PAK5: variants seen among roughly 807,000 people sequenced by gnomAD.
The protein encoded by PAK5 is p21 (RAC1) activated kinase 5.
Under a neutral mutation model 65.9 loss-of-function variants are expected in PAK5, and 16 were observed. That is an observed-to-expected ratio of 0.24 (90% CI 0.16 to 0.37). The LOEUF (loss-of-function observed/expected upper bound fraction) is 0.37, where lower values mean the gene tolerates loss of function less well. Ranked by LOEUF, PAK5 falls within the 10% of genes least tolerant of loss-of-function variation. The pLI, the probability that PAK5 is intolerant of heterozygous loss-of-function variation, is 1.00. For missense variants in PAK5, 785 were observed against 903.9 expected (o/e 0.87, Z 1.69); for synonymous variants, 371 against 354.9 (o/e 1.05, Z -0.51).
At chr20:9,758,053 C>T (rs1435946810) in intron 1 of PAK5, among the ~76,000 whole-genome samples, 1 of 152,166 alleles carries the variant, frequency 6.6e-6, no homozygotes, top group East Asian at 1.9e-4. Context: ...TTATGCTGCC[C>T]TTGGGAGCTA....
chr20:9,751,157 T>G (rs112093299), intron 1 of PAK5, among the ~76,000 whole-genome samples: 2,610 of 152,278 alleles, frequency 0.017, 73 homozygotes, highest in African/African-American at 0.057. Context: ...GTATACAGAA[T>G]CTATGAGGTA....
At chr20:9,809,642 C>T (rs2049275212) in intron 1 of PAK5, among the ~76,000 whole-genome samples, 1 of 152,168 alleles carries the variant, frequency 6.6e-6, no homozygotes, top group Non-Finnish European at 1.5e-5. Flanking sequence ...TGTTTAATGG[C>T]TGTTTGTCAA....
intron 1 of PAK5, among the ~76,000 whole-genome samples, chr20:9,769,236 A>C (rs2048806719): frequency 6.6e-6 from 1 of 152,234 alleles, no homozygotes. Flanking sequence ...ACAAATTGAC[A>C]TTGAAGCAGG....
intron 1 of PAK5, among the ~76,000 whole-genome samples, chr20:9,762,667 T>C (rs1211117049): frequency 2.0e-5 from 3 of 152,126 alleles, no homozygotes. Context: ...ACACTATTTA[T>C]GGGAAGGTAA....
At chr20:9,770,946 G>GA (rs2048826033) in intron 1 of PAK5, among the ~76,000 whole-genome samples, 1 of 152,094 alleles carries the variant, frequency 6.6e-6, no homozygotes, top group African/African-American at 2.4e-5. Context: ...CTGTCTTAAG[G>GA]AAAAAACTGT....
intron 1 of PAK5, among the ~76,000 whole-genome samples, chr20:9,772,867 G>A (rs2048849449): frequency 1.3e-5 from 2 of 152,170 alleles, no homozygotes; most frequent in South Asian, 4.1e-4. Context: ...TAACACTCCA[G>A]GAGTGACCCT....
At chr20:9,648,488 A>G (rs6056776) in intron 2 of PAK5, among the ~76,000 whole-genome samples, 1 of 148,806 alleles carries the variant, frequency 6.7e-6, no homozygotes, top group Non-Finnish European at 1.5e-5. Flanking sequence ...TTTTTTTTGC[A>G]TAAACAGTTT....
Position 9,694,314 on chromosome 20 carries a change from GTGTGTT to G in PAK5, c.-12+16966_-12+16971del, listed in dbSNP as rs1486250308. Among the ~76,000 whole-genome samples, 6 of 31,740 alleles carry G rather than the reference GTGTGTT, an allele frequency of 1.9e-4. No homozygotes were observed. In the South Asian group the frequency reaches 9.4e-3, roughly 50 times the overall value. The allele number at this position is 31,740 out of a possible 152,430, so 20.8% of individuals were successfully genotyped here. A position where few individuals can be genotyped will look rare whatever the true frequency, so the allele number is the denominator to read the frequency against. On this transcript the variant is annotated intron_variant, in intron 2 of 9. Transcript: ENST00000353224. ...TGGCCGTGTGTGTGTTTGTGTGTGT[GTGTGTT>G]TGTGTGTGTGTGTGTGTGTGTGTGT...
intron 7 of PAK5, among the ~76,000 whole-genome samples, chr20:9,552,576 T>C (rs759096321): frequency 6.6e-6 from 1 of 152,244 alleles, no homozygotes; most frequent in Non-Finnish European, 1.5e-5. Context: ...ATATTACTTA[T>C]GCCATAGATA....
intron 1 of PAK5, among the ~76,000 whole-genome samples, chr20:9,767,422 C>G (rs2048781311): frequency 6.6e-6 from 1 of 152,204 alleles, no homozygotes; most frequent in Admixed American, 6.5e-5. Flanking sequence ...CCTCACCCAG[C>G]CACATGGGTT....
intron 1 of PAK5, among the ~76,000 whole-genome samples, chr20:9,810,145 G>A (rs1378539881): frequency 6.6e-6 from 1 of 152,132 alleles, no homozygotes; most frequent in East Asian, 1.9e-4. Flanking sequence ...CTCCTGGAGG[G>A]CTTTCAGCAC....
At chr20:9,572,993 A>G (rs1185819621) in intron 4 of PAK5, among the ~76,000 whole-genome samples, 2 of 152,206 alleles carry the variant, frequency 1.3e-5, no homozygotes, top group Non-Finnish European at 2.9e-5. Flanking sequence ...TTACCAGGTC[A>G]TTAATTGTCA....
At chr20:9,661,853 G>T (rs560354280) in intron 2 of PAK5, among the ~76,000 whole-genome samples, 2 of 151,928 alleles carry the variant, frequency 1.3e-5, no homozygotes, top group South Asian at 2.1e-4. Flanking sequence ...ATCTTTAGGG[G>T]CCAAAAGCCT....
At chr20:9,688,220 A>C (rs1159262649) in intron 2 of PAK5, among the ~76,000 whole-genome samples, 1 of 152,064 alleles carries the variant, frequency 6.6e-6, no homozygotes, top group Non-Finnish European at 1.5e-5. Flanking sequence ...TCCTATTTCC[A>C]AGCTAGACTT....
At chr20:9,607,386 A>T (rs183532196) in intron 3 of PAK5, among the ~76,000 whole-genome samples, 4 of 152,352 alleles carry the variant, frequency 2.6e-5, no homozygotes, top group South Asian at 4.1e-4. Context: ...AATCAATAAG[A>T]CTAAAAAGAG....
chr20:9,729,815 T>C (rs1806151762), intron 1 of PAK5, among the ~76,000 whole-genome samples: 1 of 151,876 alleles, frequency 6.6e-6, no homozygotes, highest in Admixed American at 6.6e-5. Context: ...CTTGTACTCA[T>C]GCCCAACATG....
chr20:9,697,522 T>C (rs2047885096), intron 2 of PAK5, among the ~76,000 whole-genome samples: 1 of 152,126 alleles, frequency 6.6e-6, no homozygotes, highest in African/African-American at 2.4e-5. Context: ...GTCTGAATCT[T>C]TATGGTTGTG....
At chr20:9,775,849 T>G (rs1321657990) in intron 1 of PAK5, among the ~76,000 whole-genome samples, 1 of 152,228 alleles carries the variant, frequency 6.6e-6, no homozygotes, top group Non-Finnish European at 1.5e-5. Flanking sequence ...AGGGACATAT[T>G]AGAATTCTCT....
chr20:9,626,568 A>G (rs1382198109), intron 3 of PAK5, among the ~76,000 whole-genome samples: 1 of 152,250 alleles, frequency 6.6e-6, no homozygotes, highest in Non-Finnish European at 1.5e-5. Context: ...GTGAAAATCA[A>G]TGTGGAACAG....
Sources: allele counts gnomAD v4.1 joint callset (sites outside exome capture counted in the v4.1 genomes callset), GRCh38; gene constraint gnomAD v4.1.1; transcripts MANE v1.5; gene names NCBI Gene and HGNC (gene_info 2026-07-23, HGNC 2026-07-21).